HPSE2: variants seen among roughly 807,000 people sequenced by gnomAD.
HPSE2 encodes heparanase 2 (inactive), also known as inactive heparanase-2.
HPSE2 carries 38 observed loss-of-function variants against 60.5 expected under a neutral mutation model. That is an observed-to-expected ratio of 0.63 (90% CI 0.48 to 0.82). The LOEUF is 0.82. Among genes scored for constraint, HPSE2 ranks in the 40% least tolerant of loss-of-function variants. The pLI is 0.00. For missense variants in HPSE2, 713 were observed against 740.4 expected (o/e 0.96, Z 0.43); for synonymous variants, 295 against 293.2 (o/e 1.01, Z -0.06).
chr10:98,942,034 A>T (rs1955022517), intron 3 of HPSE2, among the ~76,000 whole-genome samples: 1 of 143,540 alleles, frequency 7.0e-6, no homozygotes, highest in African/African-American at 2.8e-5. Flanking sequence ...CATAGGTAGA[A>T]AGCTGAAACT....
the HPSE2 span, among the ~76,000 whole-genome samples, chr10:99,298,222 T>C: frequency 6.6e-6 from 1 of 152,244 alleles, no homozygotes; most frequent in Non-Finnish European, 1.5e-5. Flanking sequence ...ACTATCTGTT[T>C]AGCCCATCTC....
At chr10:98,808,238 CAAACCCTCTCAG>C (rs1283916190) in intron 3 of HPSE2, among the ~76,000 whole-genome samples, 3 of 152,178 alleles carry the variant, frequency 2.0e-5, no homozygotes, top group Non-Finnish European at 2.9e-5. Context: ...ATCACCCCCT[CAAACCCTCTCAG>C]AAACCCTCTG....
intron 3 of HPSE2, among the ~76,000 whole-genome samples, chr10:99,015,278 G>C (rs1957112943): frequency 1.3e-5 from 2 of 152,086 alleles, no homozygotes; most frequent in South Asian, 4.2e-4. Flanking sequence ...CAGGGATCTA[G>C]AACTAGAAAT....
intron 6 of HPSE2, among the ~76,000 whole-genome samples, chr10:98,664,015 T>C (rs1001071544): frequency 1.3e-4 from 20 of 151,882 alleles, no homozygotes; most frequent in African/African-American, 4.4e-4. Flanking sequence ...CCCTGCTGCT[T>C]CTAGTAGAGT....
At chr10:99,277,070 T>A in the HPSE2 span, among the ~76,000 whole-genome samples, 11 of 152,032 alleles carry the variant, frequency 7.2e-5, no homozygotes, top group African/African-American at 2.4e-4. Context: ...ATCTTGTGGG[T>A]TTTTATCTAA....
At chr10:98,864,403 C>T (rs377204863) in intron 3 of HPSE2, among the ~76,000 whole-genome samples, 12 of 152,224 alleles carry the variant, frequency 7.9e-5, no homozygotes, top group African/African-American at 2.6e-4. Context: ...AGTTTTCTCA[C>T]ACACACACTC....
intron 4 of HPSE2, among the ~76,000 whole-genome samples, chr10:98,739,319 T>G (rs1467275863): frequency 1.3e-5 from 2 of 151,940 alleles, no homozygotes; most frequent in Non-Finnish European, 2.9e-5. Flanking sequence ...CTGTGGTCTG[T>G]CGTGGGGAGT....
intron 3 of HPSE2, among the ~76,000 whole-genome samples, chr10:98,829,860 T>G (rs1193906840): frequency 6.6e-6 from 1 of 152,194 alleles, no homozygotes; most frequent in Non-Finnish European, 1.5e-5. Flanking sequence ...ATTTTCTTTC[T>G]TTTTAAAATT....
chr10:99,249,925 T>C, the HPSE2 span, among the ~76,000 whole-genome samples: 39 of 152,118 alleles, frequency 2.6e-4, no homozygotes, highest in African/African-American at 9.2e-4. Flanking sequence ...AGGCAGATCA[T>C]GAGGTCAGGA....
chr10:99,196,997 A>G (rs997214962), intron 2 of HPSE2, among the ~76,000 whole-genome samples: 3 of 152,242 alleles, frequency 2.0e-5, no homozygotes, highest in Non-Finnish European at 4.4e-5. Flanking sequence ...ATGAGTGAAT[A>G]AAGAAAATGT....
At chr10:98,855,088 G>A (rs1054095821) in intron 3 of HPSE2, among the ~76,000 whole-genome samples, 1 of 152,194 alleles carries the variant, frequency 6.6e-6, no homozygotes, top group South Asian at 2.1e-4. Flanking sequence ...CTACAGACAG[G>A]CACCTCCAAA....
At chr10:98,925,941 T>C (rs1007021345) in intron 3 of HPSE2, among the ~76,000 whole-genome samples, 1 of 152,174 alleles carries the variant, frequency 6.6e-6, no homozygotes, top group Non-Finnish European at 1.5e-5. Flanking sequence ...CCTTGGGTTC[T>C]TGGCTGACTT....
At chr10:98,870,203 TC>T (rs1564623085) in intron 3 of HPSE2, among the ~76,000 whole-genome samples, 1 of 152,174 alleles carries the variant, frequency 6.6e-6, no homozygotes, top group African/African-American at 2.4e-5. Context: ...TCCAGTGTTT[TC>T]CTCTTTTATT....
chr10:98,579,039 TGGG>T (rs1476711266), intron 9 of HPSE2, among the ~76,000 whole-genome samples: 1 of 152,212 alleles, frequency 6.6e-6, no homozygotes, highest in Non-Finnish European at 1.5e-5. Context: ...GTATATAATG[TGGG>T]GCTCCCAGAT....
intron 3 of HPSE2, among the ~76,000 whole-genome samples, chr10:99,099,157 G>T (rs1843837579): frequency 6.6e-6 from 1 of 152,164 alleles, no homozygotes; most frequent in Admixed American, 6.5e-5. Context: ...AGGACAGTGG[G>T]TGCAGCCCAC....
intron 3 of HPSE2, among the ~76,000 whole-genome samples, chr10:99,000,386 G>C (rs1956750147): frequency 6.6e-6 from 1 of 152,142 alleles, no homozygotes; most frequent in African/African-American, 2.4e-5. Context: ...CCAAGAGAAA[G>C]ATCAGGCTGG....
At chr10:98,789,375 G>T (rs1192351571) in intron 3 of HPSE2, among the ~76,000 whole-genome samples, 1 of 152,180 alleles carries the variant, frequency 6.6e-6, no homozygotes, top group Non-Finnish European at 1.5e-5. Context: ...AATGTTGCAG[G>T]ATGGGTTTTT....
rs532257037 is a variant in HPSE2, at chr10:98,657,419, C to T, written c.1005-15479G>A. The stretch of plus-strand genomic sequence containing the variant: ...TGATCTCGGCTCACTGCAAACTCTA[C>T]CTCCTGGTTCATGCAATTCTTGTGC... On this transcript the variant is annotated intron_variant, in intron 6 of 11. Coordinates refer to ENST00000370552, the MANE Select transcript of HPSE2 (RefSeq NM_021828.5). Among the ~76,000 whole-genome samples the T allele has an allele frequency of 4.0e-5, 6 of 151,208 alleles. No homozygotes were observed. The South Asian group carries it at 1.3e-3, about 32-fold the overall frequency.
At chr10:98,524,033 C>T (rs1424109920) in intron 9 of HPSE2, among the ~76,000 whole-genome samples, 1 of 152,192 alleles carries the variant, frequency 6.6e-6, no homozygotes. Flanking sequence ...CTCCCAGCTA[C>T]CCAATCCTTG....
Sources: gnomAD v4.1 joint callset for allele counts (sites outside exome capture counted in the v4.1 genomes callset) on GRCh38, gnomAD v4.1.1 for gene constraint, MANE v1.5 for transcripts, NCBI Gene and HGNC (gene_info 2026-07-23, HGNC 2026-07-21) for gene names.